NKAIN2: variants seen among roughly 807,000 people sequenced by gnomAD.
NKAIN2 encodes the protein sodium/potassium-transporting ATPase subunit beta-1-interacting protein 2.
NKAIN2 carries 14 observed loss-of-function variants against 32.6 expected under a neutral mutation model. That is an observed-to-expected ratio of 0.43 (90% CI 0.28 to 0.67). The LOEUF (loss-of-function observed/expected upper bound fraction) is 0.67. Among genes scored for constraint, NKAIN2 ranks in the 30% least tolerant of loss-of-function variants. The pLI is 0.17. For synonymous variants in NKAIN2, 80 were observed against 87.2 expected (o/e 0.92, Z 0.46); for missense variants, 198 against 258.3 (o/e 0.77, Z 1.60).
At chr6:124,263,279 T>C (rs1794333794) in intron 1 of NKAIN2, among the ~76,000 whole-genome samples, 1 of 152,202 alleles carries the variant, frequency 6.6e-6, no homozygotes, top group Admixed American at 6.5e-5. Flanking sequence ...TTGAATTTGA[T>C]AGATTTATTA....
At chr6:123,921,062 G>T (rs956335971) in intron 1 of NKAIN2, among the ~76,000 whole-genome samples, 3 of 152,162 alleles carry the variant, frequency 2.0e-5, no homozygotes, top group African/African-American at 7.2e-5. Context: ...TTTTCTCACA[G>T]TGGACAATGG....
At chr6:124,453,858 A>G (rs1776215199) in intron 3 of NKAIN2, among the ~76,000 whole-genome samples, 1 of 152,134 alleles carries the variant, frequency 6.6e-6, no homozygotes, top group African/African-American at 2.4e-5. Context: ...AGTTAAAAAA[A>G]GTATTGATTT....
intron 5 of NKAIN2, among the ~76,000 whole-genome samples, chr6:124,798,390 CTT>C (rs758515676): frequency 1.0e-3 from 157 of 151,996 alleles, no homozygotes; most frequent in Non-Finnish European, 2.0e-3. Flanking sequence ...TAACATTTGT[CTT>C]ATGAATTTGA....
At chr6:124,763,640 T>C (rs910865359) in intron 4 of NKAIN2, among the ~76,000 whole-genome samples, 3 of 152,156 alleles carry the variant, frequency 2.0e-5, no homozygotes, top group Non-Finnish European at 4.4e-5. Flanking sequence ...GTTACTATAG[T>C]TGATAAAGGG....
In NKAIN2 at chr6:124,578,999, C is replaced by A. The variant is rs1015146178; in HGVS notation, c.274-79187C>A. ...TTAACTAAGACCATCAGGGCAGCATCTCTATGAGTTTGCGCAAGCCACAGC... is the reference window on the plus strand; with the variant it reads ...TTAACTAAGACCATCAGGGCAGCATATCTATGAGTTTGCGCAAGCCACAGC... On this transcript the variant is annotated intron_variant, in intron 3 of 6. Coordinates refer to ENST00000368417, the MANE Select transcript of NKAIN2 (RefSeq NM_001040214.3). Among the ~76,000 whole-genome samples the A allele has an allele frequency of 3.2e-4, 49 of 152,208 alleles. 1 individual carries two copies. The highest frequency in any genetic ancestry group is 2.9e-5 in the Non-Finnish European group (2 of 68,046).
chr6:124,212,195 C>G (rs1218282410), intron 1 of NKAIN2, among the ~76,000 whole-genome samples: 1 of 151,916 alleles, frequency 6.6e-6, no homozygotes. Flanking sequence ...ATTCTAATCA[C>G]TTTGTCATTA....
chr6:124,161,387 T>C lies in NKAIN2; in HGVS notation c.55-121618T>C, dbSNP rs558539366. 2.6e-5 allele frequency among the ~76,000 whole-genome samples: 4 copies of C among 152,174 alleles called. No homozygotes were observed. The East Asian group carries it at 7.7e-4, about 29-fold the overall frequency. ...CAAACACCTCACACTAGGCCCCACCTCCAGCACTGGGGATTAAAATTTGAC... is the reference window on the plus strand; with the variant it reads ...CAAACACCTCACACTAGGCCCCACCCCCAGCACTGGGGATTAAAATTTGAC... On this transcript the variant is annotated intron_variant, in intron 1 of 6. Coordinates refer to ENST00000368417, the MANE Select transcript of NKAIN2 (RefSeq NM_001040214.3).
intron 2 of NKAIN2, among the ~76,000 whole-genome samples, chr6:124,331,457 A>G (rs1797658121): frequency 7.0e-6 from 1 of 142,962 alleles, no homozygotes; most frequent in Non-Finnish European, 1.5e-5. Context: ...TGAACCTGCG[A>G]GGCAGACCTT....
intron 1 of NKAIN2, among the ~76,000 whole-genome samples, chr6:123,846,777 T>TA (rs1775106632): frequency 6.6e-6 from 1 of 152,066 alleles, no homozygotes; most frequent in South Asian, 2.1e-4. Context: ...CTGTTGGAAT[T>TA]ATCTTTTCTA....
intron 4 of NKAIN2, among the ~76,000 whole-genome samples, chr6:124,677,966 G>C (rs1332804396): frequency 1.3e-5 from 2 of 151,878 alleles, no homozygotes; most frequent in Non-Finnish European, 2.9e-5. Context: ...ATTTTTGAAT[G>C]ACAGTTTTGT....
rs1005265494 is a variant in NKAIN2 at position 124,362,833 on chromosome 6, TTTA to T, written c.273+7498_273+7500del. Among the ~76,000 whole-genome samples, 30 of 152,016 alleles carry T rather than the reference TTTA, an allele frequency of 2.0e-4. No homozygotes were observed. In the East Asian group the frequency reaches 5.2e-3, roughly 26 times the overall value. On this transcript the variant is annotated intron_variant, in intron 3 of 6. Coordinates refer to ENST00000368417, the MANE Select transcript of NKAIN2 (RefSeq NM_001040214.3). ...AAATGAATAAAAAAGGAAAAAGAAT[TTTA>T]TTATTATTATTTTTTTGAGATAGAG...
intron 3 of NKAIN2, among the ~76,000 whole-genome samples, chr6:124,361,511 T>G (rs1462996368): frequency 6.6e-6 from 1 of 152,042 alleles, no homozygotes; most frequent in African/African-American, 2.4e-5. Flanking sequence ...CCTTTGGGAC[T>G]AGGGATGCAG....
At chr6:124,574,314 A>T (rs1330029645) in intron 3 of NKAIN2, among the ~76,000 whole-genome samples, 2 of 8,792 alleles carry the variant, frequency 2.3e-4, no homozygotes, top group Admixed American at 2.1e-3. Flanking sequence ...AGAAAAAGTT[A>T]AAAAAAAAAA....
intron 1 of NKAIN2, among the ~76,000 whole-genome samples, chr6:123,997,369 G>A (rs995713622): frequency 2.0e-5 from 3 of 152,084 alleles, no homozygotes; most frequent in African/African-American, 7.2e-5. Context: ...TAGGAATCCA[G>A]AAGCATCAGG....
chr6:124,020,303 A>G (rs537796870), intron 1 of NKAIN2, among the ~76,000 whole-genome samples: 3 of 152,278 alleles, frequency 2.0e-5, no homozygotes, highest in Admixed American at 1.3e-4. Context: ...ATTGATCAGT[A>G]TCCCTTTCAT....
At chr6:124,377,197 T>C (rs991609860) in intron 3 of NKAIN2, among the ~76,000 whole-genome samples, 33 of 152,242 alleles carry the variant, frequency 2.2e-4, no homozygotes, top group African/African-American at 8.0e-4. Flanking sequence ...AACAATATTC[T>C]ACAAATCTTC....
chr6:124,144,896 G>T (rs1274254160), intron 1 of NKAIN2, among the ~76,000 whole-genome samples: 1 of 152,114 alleles, frequency 6.6e-6, no homozygotes, highest in African/African-American at 2.4e-5. Context: ...AAGAGAAAAA[G>T]CTAGTATCTA....
chr6:124,236,264 T>C (rs1792754266), intron 1 of NKAIN2, among the ~76,000 whole-genome samples: 1 of 152,136 alleles, frequency 6.6e-6, no homozygotes, highest in Non-Finnish European at 1.5e-5. Flanking sequence ...CATGAAAGAA[T>C]TAAAATATAG....
chr6:124,082,865 T>C lies in NKAIN2; in HGVS notation c.55-200140T>C, dbSNP rs1265205069. Among the ~76,000 whole-genome samples the C allele has an allele frequency of 5.1e-4, 78 of 152,030 alleles. 1 individual carries two copies. Among genetic ancestry groups the C allele is most frequent in the Admixed American group, 5.1e-3 (78 of 15,216 alleles). The stretch of plus-strand genomic sequence containing the variant: ...TCAAACGCACCAAATATACAATTTA[T>C]ACAGTCCATATTAACAAGCAGTGTA... On this transcript the variant is annotated intron_variant, in intron 1 of 6. Coordinates refer to ENST00000368417, the MANE Select transcript of NKAIN2 (RefSeq NM_001040214.3).
Sources: allele counts gnomAD v4.1 joint callset (sites outside exome capture counted in the v4.1 genomes callset), GRCh38; gene constraint gnomAD v4.1.1; transcripts MANE v1.5; gene names NCBI Gene and HGNC (gene_info 2026-07-23, HGNC 2026-07-21).